The following SLC25A29 variants were observed in gnomAD, a reference collection of about 807,000 sequenced individuals.
SLC25A29 encodes mitochondrial basic amino acids transporter.
SLC25A29 carries 13 observed loss-of-function variants against 10.0 expected under a neutral mutation model. The ratio of observed to expected loss-of-function variants is 1.30; its 90% CI spans 0.85 to 2.07. The LOEUF is 2.07. Ranked by LOEUF, SLC25A29 falls within the 30% of genes most tolerant of loss-of-function variation. The pLI is 0.00. For missense variants in SLC25A29, 475 were observed against 447.6 expected (o/e 1.06, Z -0.55); for synonymous variants, 244 against 221.1 (o/e 1.10, Z -0.92).
At chr14:100,297,351 A>G (rs1892236576) in intron 2 of SLC25A29, among the ~76,000 whole-genome samples, 1 of 152,160 alleles carries the variant, frequency 6.6e-6, no homozygotes, top group Admixed American at 6.6e-5. Context: ...ACAGCAGAGC[A>G]CCAGAACGAA....
chr14:100,298,526 T>G, intron 2 of SLC25A29: 2 of 456,314 alleles, frequency 4.4e-6, no homozygotes, highest in South Asian at 2.2e-5. Context: ...CTCTGAACTT[T>G]TCTTTCTTTC....
At chr14:100,295,884 A>G (rs1758807024) in intron 2 of SLC25A29, 1 of 1,289,676 alleles carries the variant, frequency 7.8e-7, no homozygotes, top group Non-Finnish European at 1.0e-6. Flanking sequence ...GCAGGACAGA[A>G]AACTCCCTTC....
At chr14:100,286,832 C>T (rs1384245582), downstream of SLC25A29, among the ~76,000 whole-genome samples, 1 of 152,252 alleles carries the variant, frequency 6.6e-6, no homozygotes, top group East Asian at 1.9e-4. Context: ...TGCATTGCCG[C>T]TCCAGGGTTG....
chr14:100,304,366 C>T (rs1892770226), intron 1 of SLC25A29, among the ~76,000 whole-genome samples: 1 of 152,202 alleles, frequency 6.6e-6, no homozygotes, highest in Admixed American at 6.5e-5. Context: ...ACTGCAGGCT[C>T]ACCCTGGCCA....
At chr14:100,283,847 G>T in the SLC25A29 span, among the ~76,000 whole-genome samples, 1 of 151,894 alleles carries the variant, frequency 6.6e-6, no homozygotes, top group Non-Finnish European at 1.5e-5. Flanking sequence ...ATACTTGCCG[G>T]TGTCTCTGCC....
intron 1 of SLC25A29, among the ~76,000 whole-genome samples, chr14:100,303,374 C>T (rs777540314): frequency 9.9e-5 from 15 of 152,204 alleles, no homozygotes; most frequent in Non-Finnish European, 2.2e-4. Context: ...TGCATGGTCA[C>T]GCCTCTGGCC....
At chr14:100,303,386 C>T (rs1248196420) in intron 1 of SLC25A29, among the ~76,000 whole-genome samples, 1 of 152,216 alleles carries the variant, frequency 6.6e-6, no homozygotes, top group Non-Finnish European at 1.5e-5. Context: ...CCTCTGGCCC[C>T]AGACCTGCCC....
the SLC25A29 span, chr14:100,280,009 A>G: frequency 1.3e-5 from 2 of 151,846 alleles, no homozygotes; most frequent in African/African-American, 4.8e-5. Flanking sequence ...ACTCCCCTTG[A>G]CTCTCTCTGT....
intron 3 of SLC25A29, 101 bp from the exon 4 acceptor site, chr14:100,293,133 C>A: frequency 1.4e-6 from 2 of 1,453,460 alleles, no homozygotes; most frequent in Middle Eastern, 2.0e-4. Flanking sequence ...ACCCCAGGGG[C>A]TCCTGAGGAC....
chr14:100,296,071 G>A, intron 2 of SLC25A29: 3 of 1,243,794 alleles, frequency 2.4e-6, no homozygotes, highest in South Asian at 2.6e-5. Flanking sequence ...CACAGACTCG[G>A]GTGGCCCCTG....
At chr14:100,305,561 T>A (rs1892870330) in intron 1 of SLC25A29, 1 of 152,230 alleles carries the variant, frequency 6.6e-6, no homozygotes, top group African/African-American at 2.4e-5. Flanking sequence ...GACAACTGCA[T>A]GGGAGGAACC....
At chr14:100,298,633 C>CA in intron 2 of SLC25A29, 1 of 645,372 alleles carries the variant, frequency 1.5e-6, no homozygotes, top group Admixed American at 2.6e-5. Flanking sequence ...TGGCCAAGCC[C>CA]AGGATGGACT....
intron 1 of SLC25A29, among the ~76,000 whole-genome samples, chr14:100,305,976 C>T (rs1469754094): frequency 6.6e-6 from 1 of 152,206 alleles, no homozygotes; most frequent in African/African-American, 2.4e-5. Context: ...ACCTCCCGTC[C>T]GAGCGTGCCC....
chr14:100,300,327 G>A (rs10873515), intron 1 of SLC25A29, among the ~76,000 whole-genome samples: 105,878 of 152,094 alleles, frequency 0.7, 37,066 homozygotes, highest in East Asian at 0.74. Context: ...AACTTTGCCA[G>A]TTCTGCTTTC....
rs1452711074 is a variant in SLC25A29 at position 100,295,672 on chromosome 14, A to G, written c.79-2295T>C. On this transcript the variant is annotated intron_variant, in intron 2 of 3. Transcript: ENST00000359232. ...TTACGCCCATCTACAACAAAGTTAC[A>G]CTTTTGCTATGGATGGAGACAGCCC... is the stretch of plus-strand genomic sequence containing the variant. The G allele has an allele frequency of 3.1e-6, 4 of 1,289,368 alleles. No individual in the cohort carries two copies. The East Asian group carries it at 2.2e-4, about 72-fold the overall frequency. The allele number at this position is 1,289,368 out of a possible 1,614,324, so 79.9% of individuals were successfully genotyped here. A position where few individuals can be genotyped will look rare whatever the true frequency, so the allele number is the denominator to read the frequency against.
Position 100,292,196 on chromosome 14 carries a change from A to T in SLC25A29, c.*87T>A. The T allele has an allele frequency of 6.8e-7, 1 of 1,474,926 alleles. No homozygotes were observed. Among genetic ancestry groups the T allele is most frequent in the Non-Finnish European group, 9.1e-7 (1 of 1,096,018 alleles). 91.4% of individuals were successfully genotyped at this position (1,474,926 alleles called of 1,614,324 possible). ...TAGACTCCACAGCTCGCAGCATCCC[A>T]GCAGGAAGCAGGGCAATCGACTCAG... On this transcript the variant is annotated 3_prime_UTR_variant, in exon 4 of 4. Transcript: ENST00000359232.
chr14:100,299,003 T>C (rs1356368272), intron 1 of SLC25A29, 118 bp from the exon 2 acceptor site: 1 of 1,509,086 alleles, frequency 6.6e-7, no homozygotes, highest in Non-Finnish European at 8.9e-7. Context: ...GGAAAGGACA[T>C]TGACCAAGCA....
the SLC25A29 span, chr14:100,280,672 C>G: frequency 6.6e-6 from 1 of 151,794 alleles, no homozygotes; most frequent in African/African-American, 2.4e-5. Context: ...TAAATAAGAC[C>G]CTTTCACAGG....
chr14:100,297,924 C>G (rs1892279987), intron 2 of SLC25A29: 1 of 152,272 alleles, frequency 6.6e-6, no homozygotes, highest in African/African-American at 2.4e-5. Flanking sequence ...GGCCCAGGGA[C>G]AGAGCTTTTT....
Sources: allele counts gnomAD v4.1 joint callset (sites outside exome capture counted in the v4.1 genomes callset), GRCh38; gene constraint gnomAD v4.1.1; transcripts MANE v1.5; gene names NCBI Gene and HGNC (gene_info 2026-07-23, HGNC 2026-07-21).